Variants in ZNF571 observed in about 807,000 individuals in gnomAD.
The protein encoded by ZNF571 is zinc finger protein 571.
Under a neutral mutation model 7.7 loss-of-function variants are expected in ZNF571, and 4 were observed. The observed-to-expected ratio is 0.52, with a 90% CI of 0.25 to 1.18. The LOEUF (loss-of-function observed/expected upper bound fraction) is 1.18, where lower values mean the gene tolerates loss of function less well. ZNF571 is among the 50% of genes most tolerant of loss of function. The probability of loss-of-function intolerance (pLI) is 0.14; values close to 1 mark genes in which losing one functional copy is unlikely to be tolerated. For missense variants in ZNF571, 704 were observed against 726.9 expected, an observed-to-expected ratio of 0.97 and a Z score of 0.36; for synonymous variants, 251 against 232.4, an observed-to-expected ratio of 1.08 and a Z score of -0.73.
chr19:37,573,668 C>CA (rs55763844), intron 3 of ZNF571, among the ~76,000 whole-genome samples: 32,502 of 88,060 alleles, frequency 0.37, 4,998 homozygotes, highest in Middle Eastern at 0.5. Context: ...CTTGTGTCTA[C>CA]AAAAAAAAAA....
rs1478006033 is a variant in ZNF571, at chr19:37,583,959, G to A, written c.136+12C>T. On this transcript the variant is annotated intron_variant, in intron 3 of 3. Coordinates refer to ENST00000451802, the MANE Select transcript of ZNF571 (RefSeq NM_016536.5). ...GGGAACAAATTCTGAATATTACGTA[G>A]GATGATCTTACCCAATGAGATCAGG... The A allele has an allele frequency of 6.3e-7, 1 of 1,591,668 alleles. No homozygotes were observed.
rs2042795907 is a variant in ZNF571, at chr19:37,564,970, A to AAGACCTTT, written c.1457_1458insAAAGGTCT (p.Thr487LysfsTer66). The stretch of plus-strand genomic sequence containing the variant: ...TTCTTTGATGATATGTAAGTTGTGT[A>AAGACCTTT]GCACGTACAAAGGTCTTCCCACATT... On this transcript the variant is annotated frameshift_variant, in exon 4 of 4. Transcript: ENST00000451802. LOFTEE classifies it low-confidence loss of function (END_TRUNC). 6.2e-7 allele frequency: 1 copy of AAGACCTTT among 1,613,706 alleles called. No homozygotes were observed. The highest frequency in any genetic ancestry group is 1.3e-5 in the African/African-American group (1 of 74,856).
At chr19:37,566,969 CCA>C (rs2042882810) in intron 3 of ZNF571, among the ~76,000 whole-genome samples, 1 of 152,114 alleles carries the variant, frequency 6.6e-6, no homozygotes, top group Non-Finnish European at 1.5e-5. Flanking sequence ...TCATCACTTA[CCA>C]CTCCCCTAAT....
chr19:37,571,476 A>G (rs1435142623), intron 3 of ZNF571, among the ~76,000 whole-genome samples: 1 of 152,194 alleles, frequency 6.6e-6, no homozygotes, highest in Admixed American at 6.5e-5. Context: ...AGCCTGGGTG[A>G]GAGAGCGAGA....
intron 3 of ZNF571, among the ~76,000 whole-genome samples, chr19:37,571,214 G>C (rs115024056): frequency 6.6e-6 from 1 of 152,042 alleles, no homozygotes; most frequent in Non-Finnish European, 1.5e-5. Flanking sequence ...TTCAAACTAC[G>C]ATTCCAGGCA....
At chr19:37,567,746 G>A (rs1449230392) in intron 3 of ZNF571, 1 of 152,110 alleles carries the variant, frequency 6.6e-6, no homozygotes, top group Non-Finnish European at 1.5e-5. Context: ...TTAGGTCCAT[G>A]CCAGGTATTT....
In ZNF571 at chr19:37,566,078, T is replaced by C. The variant is rs763049889; in HGVS notation, c.350A>G (p.Lys117Arg). The C allele has an allele frequency of 1.2e-6, 2 of 1,614,102 alleles. No homozygotes were observed. The highest frequency in any genetic ancestry group is 2.2e-5 in the South Asian group (2 of 91,078). ...AGAGGTTGAATGACTTTCAGTGGCC[T>C]TTTCTTCACAGGTAATTTTGACACA... ...YMCVKITCEE[K>R]ATESHSTSST... The change falls in exon 4 of 4, where the codon AAG becomes AGG. Residue 117 changes from lysine (K) to arginine (R), a missense_variant. Lys to Arg is a conservative substitution (Grantham distance 26). Coordinates refer to ENST00000451802, the MANE Select transcript of ZNF571 (RefSeq NM_016536.5).
In ZNF571 at chr19:37,569,147, T is replaced by C. The variant is rs1013589908; in HGVS notation, c.137-2856A>G. Among the ~76,000 whole-genome samples the C allele has an allele frequency of 5.3e-5, 8 of 152,184 alleles. No homozygotes were observed. The highest frequency in any genetic ancestry group is 1.9e-4 in the African/African-American group (8 of 41,496). On this transcript the variant is annotated intron_variant, in intron 3 of 3. Transcript: ENST00000451802. This position sits in a 1 kb window ranked among gnomAD's most constrained non-coding sequence, Gnocchi z 4.4. ...TTTGTATTTTTAGTAGAGATAGGCC[T>C]TCACCATATTGGTCAGGCTGGTCTC...
intron 3 of ZNF571, chr19:37,566,503 T>A: frequency 1.9e-6 from 1 of 524,760 alleles, no homozygotes; most frequent in Non-Finnish European, 3.2e-6. Flanking sequence ...AAAAATAGGT[T>A]AAGTCAGTGG....
At chr19:37,589,864 CA>C (rs60136941) in intron 1 of ZNF571, among the ~76,000 whole-genome samples, 205 of 29,524 alleles carry the variant, frequency 6.9e-3, no homozygotes, top group African/African-American at 0.025. Flanking sequence ...GACTCCATCT[CA>C]AAAAAAAAAA....
chr19:37,565,007 T>C lies in ZNF571; in HGVS notation c.1421A>G (p.Tyr474Cys). ...GGTCTTCCCACATTCCTTACATTCATAATGTTTCTCACCATGAATTTTCTC... is the reference window on the plus strand; with the variant it reads ...GGTCTTCCCACATTCCTTACATTCACAATGTTTCTCACCATGAATTTTCTC... The part of the protein sequence containing the change: ...QHEKIHGEKH[Y>C]ECKECGKTFV... Residue 474 changes from tyrosine to cysteine, a missense_variant, in exon 4 of 4, where the codon TAT becomes TGT. Physicochemically the swap from Tyr to Cys is radical, Grantham distance 194. Coordinates refer to ENST00000451802, the MANE Select transcript of ZNF571 (RefSeq NM_016536.5). 6.2e-7 allele frequency: 1 copy of C among 1,613,838 alleles called. No homozygotes were observed. The highest frequency in any genetic ancestry group is 8.5e-7 in the Non-Finnish European group (1 of 1,179,882).
At chr19:37,585,592 C>T (rs1203799324) in intron 2 of ZNF571, 5 of 152,208 alleles carry the variant, frequency 3.3e-5, no homozygotes, top group Non-Finnish European at 7.3e-5. Flanking sequence ...GATATGGAGA[C>T]AGAACTCGGC....
At chr19:37,574,229 A>G (rs2043167332) in intron 3 of ZNF571, among the ~76,000 whole-genome samples, 1 of 152,172 alleles carries the variant, frequency 6.6e-6, no homozygotes, top group Admixed American at 6.5e-5. Flanking sequence ...AATTATTAAA[A>G]CCGCAACGTA....
Position 37,564,537 on chromosome 19 carries a change from A to G in ZNF571, c.*61T>C. ...TCTGAGCAGAAGCAAGATGTTCTACATTCATTATAGATATGAAATAGATGA... is the reference window on the plus strand; with the variant it reads ...TCTGAGCAGAAGCAAGATGTTCTACGTTCATTATAGATATGAAATAGATGA... On this transcript the variant is annotated 3_prime_UTR_variant, in exon 4 of 4. Transcript: ENST00000451802. 7.1e-7 allele frequency: 1 copy of G among 1,415,376 alleles called. No homozygotes were observed. Among genetic ancestry groups the G allele is most frequent in the South Asian group, 1.8e-5 (1 of 55,512 alleles). The allele number at this position is 1,415,376 out of a possible 1,614,324, so 87.7% of individuals were successfully genotyped here. A position where few individuals can be genotyped will look rare whatever the true frequency, so the allele number is the denominator to read the frequency against.
chr19:37,579,232 C>A (rs62108260), intron 3 of ZNF571, among the ~76,000 whole-genome samples: 11,009 of 152,270 alleles, frequency 0.072, 565 homozygotes, highest in African/African-American at 0.13. Context: ...TGGGCTAGCC[C>A]GACTGCAGTC....
Position 37,565,046 on chromosome 19 carries a change from T to C in ZNF571, c.1382A>G (p.Tyr461Cys), listed in dbSNP as rs1157300036. Residue 461 changes from tyrosine (Y) to cysteine (C), a missense_variant, in exon 4 of 4, where the codon TAT becomes TGT. Tyr to Cys is a radical substitution (Grantham distance 194). Transcript: ENST00000451802. ...ATGAATTTTCTCATGTTGAGTAAGATATGCAACACGAATAAAGGCCTTTCC... is the reference window on the plus strand; with the variant it reads ...ATGAATTTTCTCATGTTGAGTAAGACATGCAACACGAATAAAGGCCTTTCC... ...ECGKAFIRVA[Y>C]LTQHEKIHGE... The C allele has an allele frequency of 6.2e-7, 1 of 1,613,764 alleles. No individual in the cohort carries two copies. The highest frequency in any genetic ancestry group is 2.2e-5 in the East Asian group (1 of 44,872).
chr19:37,564,564 G>T lies in ZNF571; in HGVS notation c.*34C>A. 1 of 1,454,060 alleles carries T rather than the reference G, an allele frequency of 6.9e-7. No homozygotes were observed. 90.1% of individuals were successfully genotyped at this position (1,454,060 alleles called of 1,614,324 possible). ...TCATTATAGATATGAAATAGATGAA[G>T]ATTTTCTTAAATTTAATCACATTCA... On this transcript the variant is annotated 3_prime_UTR_variant, in exon 4 of 4. Transcript: ENST00000451802.
Position 37,569,572 on chromosome 19 carries a change from C to T in ZNF571, c.137-3281G>A, listed in dbSNP as rs1488629075. Among the ~76,000 whole-genome samples, 1 of 152,072 alleles carries T rather than the reference C, an allele frequency of 6.6e-6. No homozygotes were observed. Among genetic ancestry groups the T allele is most frequent in the Non-Finnish European group, 1.5e-5 (1 of 68,014 alleles). ...ATATATTCATATTTTGTTATTTTAT[C>T]TCCTGTTTTATTAAAAACAACAAGT... On this transcript the variant is annotated intron_variant, in intron 3 of 3. Coordinates refer to ENST00000451802, the MANE Select transcript of ZNF571 (RefSeq NM_016536.5). This position sits in a 1 kb window ranked among gnomAD's most constrained non-coding sequence, Gnocchi z 4.4.
rs1353207983 is a variant in ZNF571 at position 37,565,524 on chromosome 19, T to G, written c.904A>C (p.Ser302Arg). The G allele has an allele frequency of 1.2e-6, 2 of 1,613,740 alleles. No homozygotes were observed. Among genetic ancestry groups the G allele is most frequent in the Non-Finnish European group, 8.5e-7 (1 of 1,179,878 alleles). ...SQLTYHQRIH[S>R]GEKPYECKEC... ...TTACACTCATAAGGTTTCTCACCAC[T>G]ATGAATTCTCTGATGGTAAGTAAGT... Residue 302 changes from serine (S) to arginine (R), a missense_variant, in exon 4 of 4, where the codon AGT (serine) becomes CGT (arginine). Physicochemically the swap from Ser to Arg is moderately radical, Grantham distance 110. Transcript: ENST00000451802.
Sources: gnomAD v4.1 joint callset for allele counts (sites outside exome capture counted in the v4.1 genomes callset) on GRCh38, gnomAD v4.1.1 for gene constraint, Gnocchi (gnomAD v3.1) non-coding constraint, MANE v1.5 for transcripts, NCBI Gene and HGNC (gene_info 2026-07-23, HGNC 2026-07-21) for gene names.